SNTG1: variants seen among roughly 807,000 people sequenced by gnomAD.
SNTG1 encodes syntrophin gamma 1, also known as gamma-1-syntrophin.
In SNTG1, 39 loss-of-function variants were observed where a neutral mutation model predicts 74.7. The observed-to-expected ratio is 0.52, with a 90% CI of 0.40 to 0.68. The LOEUF is 0.68. SNTG1 is among the 30% of genes least tolerant of loss of function. SNTG1 has a pLI of 0.00. For synonymous variants in SNTG1, 254 were observed against 217.1 expected (o/e 1.17, Z -1.49); for missense variants, 685 against 609.5 (o/e 1.12, Z -1.30).
chr8:50,068,055 T>G (rs907884970), intron 1 of SNTG1, among the ~76,000 whole-genome samples: 1 of 152,100 alleles, frequency 6.6e-6, no homozygotes, highest in African/African-American at 2.4e-5. Context: ...TCAAAATAAA[T>G]CTGAGGGTCT....
intron 2 of SNTG1, among the ~76,000 whole-genome samples, chr8:50,278,786 T>C (rs1377062975): frequency 6.6e-6 from 1 of 152,126 alleles, no homozygotes; most frequent in African/African-American, 2.4e-5. Context: ...TCAGACATCT[T>C]TCAATTAGCC....
At chr8:50,652,898 G>A (rs1054890942) in intron 13 of SNTG1, among the ~76,000 whole-genome samples, 1 of 151,796 alleles carries the variant, frequency 6.6e-6, no homozygotes, top group African/African-American at 2.4e-5. Flanking sequence ...TGATAGGTTT[G>A]ACACTATCAT....
At chr8:50,379,430 C>A (rs978016250) in intron 2 of SNTG1, among the ~76,000 whole-genome samples, 7 of 152,262 alleles carry the variant, frequency 4.6e-5, no homozygotes, top group Non-Finnish European at 8.8e-5. Flanking sequence ...GGGTCAGGGG[C>A]AGGGCTCCCT....
intron 17 of SNTG1, among the ~76,000 whole-genome samples, chr8:50,740,038 A>G (rs1298704857): frequency 6.6e-6 from 1 of 152,142 alleles, no homozygotes; most frequent in Non-Finnish European, 1.5e-5. Context: ...AGCCTAGGCA[A>G]TACCATTCTA....
At chr8:50,335,266 C>G (rs144067740) in intron 2 of SNTG1, among the ~76,000 whole-genome samples, 1 of 152,156 alleles carries the variant, frequency 6.6e-6, no homozygotes, top group African/African-American at 2.4e-5. Context: ...TGGTTTAGAA[C>G]ACCCACATAT....
intron 18 of SNTG1, among the ~76,000 whole-genome samples, chr8:50,759,658 T>C (rs147211212): frequency 8.2e-4 from 125 of 151,954 alleles, no homozygotes; most frequent in African/African-American, 2.7e-3. Context: ...TTCTGTTCCA[T>C]TGATATATAT....
Position 50,421,049 on chromosome 8 carries a change from G to A in SNTG1, c.163-17494G>A, listed in dbSNP as rs1260606750. ...AAAAAAAAAAAAAGGCGGTGGGCGG[G>A]GGAGGGGGGGGCGAAGATAAAGGGA... On this transcript the variant is annotated intron_variant, in intron 4 of 18. Transcript: ENST00000642720. Among the ~76,000 whole-genome samples the A allele has an allele frequency of 1.2e-4, 14 of 113,388 alleles. 1 individual carries two copies. In the East Asian group the frequency reaches 1.3e-3, roughly 11 times the overall value. The allele number at this position is 113,388 out of a possible 152,430, so 74.4% of individuals were successfully genotyped here.
In SNTG1 at chr8:49,977,787, G is replaced by A. The variant is rs919316302; in HGVS notation, c.-103+65556G>A. 5.9e-5 allele frequency among the ~76,000 whole-genome samples: 9 copies of A among 152,294 alleles called. 1 individual carries two copies. The highest frequency in any genetic ancestry group is 4.1e-4 in the South Asian group (2 of 4,824). On this transcript the variant is annotated intron_variant, in intron 1 of 18. Transcript: ENST00000642720. The stretch of plus-strand genomic sequence containing the variant: ...TGTCATAGGCAGAAGATGGAAAGGC[G>A]AAGGCTTCATAGCAAGAGCTGATCA...
At chr8:50,307,257 A>G (rs918516134) in intron 2 of SNTG1, among the ~76,000 whole-genome samples, 1 of 152,080 alleles carries the variant, frequency 6.6e-6, no homozygotes, top group African/African-American at 2.4e-5. Context: ...AATGGGTCTT[A>G]GGATATGAAT....
At chr8:50,560,784 G>T (rs969209749) in intron 12 of SNTG1, among the ~76,000 whole-genome samples, 1 of 152,048 alleles carries the variant, frequency 6.6e-6, no homozygotes, top group Non-Finnish European at 1.5e-5. Context: ...CCTGTATGAG[G>T]GGTTTATCTG....
chr8:50,283,354 A>G (rs1409960954), intron 2 of SNTG1, among the ~76,000 whole-genome samples: 1 of 152,202 alleles, frequency 6.6e-6, no homozygotes, highest in Non-Finnish European at 1.5e-5. Context: ...TTAAAGACAA[A>G]GCACATTTGT....
At chr8:50,043,253 T>C (rs1818795308) in intron 1 of SNTG1, among the ~76,000 whole-genome samples, 1 of 152,216 alleles carries the variant, frequency 6.6e-6, no homozygotes, top group Non-Finnish European at 1.5e-5. Context: ...GCCAGGAATA[T>C]GACTTTTTAT....
intron 1 of SNTG1, among the ~76,000 whole-genome samples, chr8:50,022,217 C>T (rs964611861): frequency 2.0e-5 from 3 of 152,102 alleles, no homozygotes; most frequent in South Asian, 2.1e-4. Context: ...GTGATGGAGA[C>T]AATAACAATG....
At chr8:50,093,465 G>A (rs952603911) in intron 1 of SNTG1, among the ~76,000 whole-genome samples, 2 of 151,962 alleles carry the variant, frequency 1.3e-5, no homozygotes, top group African/African-American at 4.8e-5. Flanking sequence ...CCAGTAATTA[G>A]CACCAAATAA....
chr8:50,198,258 C>T (rs748488585), intron 2 of SNTG1, among the ~76,000 whole-genome samples: 5 of 152,206 alleles, frequency 3.3e-5, no homozygotes, highest in East Asian at 1.9e-4. Flanking sequence ...GGGTTGAATC[C>T]GCCGGCTCTG....
intron 17 of SNTG1, among the ~76,000 whole-genome samples, chr8:50,732,068 C>T (rs575757540): frequency 6.6e-6 from 1 of 152,068 alleles, no homozygotes; most frequent in Non-Finnish European, 1.5e-5. Flanking sequence ...ATTCATGCTT[C>T]ATATTCAAAA....
intron 1 of SNTG1, among the ~76,000 whole-genome samples, chr8:50,001,909 A>C (rs1304283290): frequency 1.3e-5 from 2 of 152,184 alleles, no homozygotes; most frequent in African/African-American, 2.4e-5. Context: ...TTTTGTAGAT[A>C]AGAACAATAA....
intron 1 of SNTG1, among the ~76,000 whole-genome samples, chr8:50,077,577 A>G (rs966815616): frequency 6.6e-6 from 1 of 152,304 alleles, no homozygotes; most frequent in East Asian, 1.9e-4. Flanking sequence ...GCTTTAAGCT[A>G]TAATTTGTGT....
At chr8:50,299,393 A>G (rs894221761) in intron 2 of SNTG1, among the ~76,000 whole-genome samples, 3 of 152,050 alleles carry the variant, frequency 2.0e-5, no homozygotes, top group Admixed American at 6.6e-5. Flanking sequence ...AAGAAGGGGG[A>G]AAAAGACATC....
Sources: gnomAD v4.1 joint callset for allele counts (sites outside exome capture counted in the v4.1 genomes callset) on GRCh38, gnomAD v4.1.1 for gene constraint, MANE v1.5 for transcripts, NCBI Gene and HGNC (gene_info 2026-07-23, HGNC 2026-07-21) for gene names.